IFI6: variants seen among roughly 807,000 people sequenced by gnomAD.
IFI6 encodes the protein interferon alpha inducible protein 6.
In IFI6, 10 loss-of-function variants were observed where a neutral mutation model predicts 12.7. The ratio of observed to expected loss-of-function variants is 0.79; its 90% CI spans 0.49 to 1.33. The LOEUF is 1.33. Among genes scored for constraint, IFI6 ranks in the 40% most tolerant of loss-of-function variants. The pLI is 0.00. For missense variants in IFI6, 154 were observed against 180.4 expected, an observed-to-expected ratio of 0.85 and a Z score of 0.84; for synonymous variants, 89 against 86.2, an observed-to-expected ratio of 1.03 and a Z score of -0.18.
rs949177814 is a variant in IFI6 at position 27,668,275 on chromosome 1, A to G, written c.249T>C (p.Asn83=). The G allele has an allele frequency of 8.2e-6, 13 of 1,581,382 alleles. No homozygotes were observed. Among genetic ancestry groups the G allele is most frequent in the Admixed American group, 3.5e-5 (2 of 57,486 alleles). Residue 83 remains asparagine, a synonymous_variant, in exon 4 of 5, where the codon AAT becomes AAC. Coordinates refer to ENST00000361157, the MANE Select transcript of IFI6 (RefSeq NM_002038.4). ...ASLMSWSAIL[N]GGGVPAGGLV... ...GCCCCCCGGCGGGCACGCCGCCCCC[A>G]TTCAGGATCGCAGACCAGCTCATCA...
intron 3 of IFI6, 41 bp from the exon 4 acceptor site, chr1:27,668,416 G>C (rs910226248): frequency 1.3e-6 from 2 of 1,587,366 alleles, no homozygotes; most frequent in South Asian, 1.1e-5. Context: ...CCGCGGCAGA[G>C]GCCCGCCCCG....
At position 27,668,495 on chromosome 1, in the gene IFI6, C is replaced by G. The variant is rs1011671488; in HGVS notation, c.111G>C (p.Gly37=). ...CCATGAAGGTCAGGGCCTTCCAGAACCCGGAGCCGCTGTCCGAGCTCTCCG... is the reference window on the plus strand; with the variant it reads ...CCATGAAGGTCAGGGCCTTCCAGAAGCCGGAGCCGCTGTCCGAGCTCTCCG... The part of the protein sequence containing the change: ...KCSESSDSGS[G]FWKALTFMAV... Residue 37 remains glycine (G), a synonymous_variant, in exon 3 of 5, where the codon GGG becomes GGC. Transcript: ENST00000361157. The G allele has an allele frequency of 1.2e-5, 20 of 1,611,230 alleles. No individual in the cohort carries two copies. Among genetic ancestry groups the G allele is most frequent in the Non-Finnish European group, 1.7e-5 (20 of 1,178,860 alleles).
chr1:27,669,601 T>A (rs1017405021), intron 1 of IFI6: 1 of 438,590 alleles, frequency 2.3e-6, no homozygotes, highest in Middle Eastern at 6.8e-4. Context: ...GCTCCGCAGA[T>A]GTCAATATCA....
chr1:27,670,430 G>A (rs1189888188), intron 1 of IFI6: 1 of 151,764 alleles, frequency 6.6e-6, no homozygotes, highest in Non-Finnish European at 1.5e-5. Context: ...GGGACTACAG[G>A]TATGCACCAC....
At chr1:27,667,469 G>A (rs2090360739) in intron 4 of IFI6, among the ~76,000 whole-genome samples, 1 of 152,108 alleles carries the variant, frequency 6.6e-6, no homozygotes, top group African/African-American at 2.4e-5. Context: ...GAGTCACTGT[G>A]AGCTCTGTTA....
chr1:27,671,992 A>T (rs2090407632), intron 1 of IFI6, 131 bp downstream of exon 1: 1 of 152,178 alleles, frequency 6.6e-6, no homozygotes. Context: ...AGAGCACTAA[A>T]AGGGACCCAG....
chr1:27,668,584 G>A (rs745643288), intron 2 of IFI6, 49 bp from the exon 3 acceptor site: 11 of 1,474,096 alleles, frequency 7.5e-6, no homozygotes, highest in South Asian at 7.3e-5. Context: ...GTGGGACACA[G>A]GGGTCCCCTA....
At position 27,669,202 on chromosome 1, in the gene IFI6, CCCTTACCTGTCCCCTTACCTGCAT is replaced by C; in HGVS notation, c.70+19_70+42del. 1 of 1,544,044 alleles carries C rather than the reference CCCTTACCTGTCCCCTTACCTGCAT, an allele frequency of 6.5e-7. No homozygotes were observed. ...ACCCTTACTTGCATCCTTACCTGCA[CCCTTACCTGTCCCCTTACCTGCAT>C]CCTTACCCGCATTCTCACCTGCCTC... On this transcript the variant is annotated intron_variant, in intron 2 of 4. Coordinates refer to ENST00000361157, the MANE Select transcript of IFI6 (RefSeq NM_002038.4).
In IFI6 at chr1:27,666,902, C is replaced by T. The variant is rs114740149; in HGVS notation, c.299-427G>A. Reference sequence around the variant, plus strand: ...CCCTCCCATTGCAGGGGTGTGGCCCCGTCTGAGCAGGGCTCTCTTCTTTTG... The same window carrying T: ...CCCTCCCATTGCAGGGGTGTGGCCCTGTCTGAGCAGGGCTCTCTTCTTTTG... On this transcript the variant is annotated intron_variant, in intron 4 of 4. Coordinates refer to ENST00000361157, the MANE Select transcript of IFI6 (RefSeq NM_002038.4). Among the ~76,000 whole-genome samples the T allele has an allele frequency of 4.7e-3, 711 of 152,208 alleles. 4 individuals are homozygous for T. Among genetic ancestry groups the T allele is most frequent in the Non-Finnish European group, 6.6e-3 (448 of 68,024 alleles).
chr1:27,669,336 C>T lies in IFI6; in HGVS notation c.-22G>A, dbSNP rs374246314. 2.1e-5 allele frequency: 32 copies of T among 1,550,844 alleles called. No homozygotes were observed. In the African/African-American group the frequency reaches 3.1e-4, roughly 15 times the overall value. On this transcript the variant is annotated 5_prime_UTR_variant, in exon 2 of 5. Transcript: ENST00000361157. ...GCATGGTGGCGCCGCGCGCGGGCTCCGTCACTAGACCTGCGAACGGGCGAG... is the reference window on the plus strand; with the variant it reads ...GCATGGTGGCGCCGCGCGCGGGCTCTGTCACTAGACCTGCGAACGGGCGAG...
At position 27,668,226 on chromosome 1, in the gene IFI6, C is replaced by A; in HGVS notation, c.298G>T (p.Gly100Trp). 2 of 1,537,690 alleles carry A rather than the reference C, an allele frequency of 1.3e-6. No homozygotes were observed. The highest frequency in any genetic ancestry group is 4.7e-5 in the East Asian group (2 of 42,762). ...CCAGGGGCCCAGGCCCCGCACTCAC[C>A]GAGGCTCTGCAGCGTGGCCACTAGC... ...GGLVATLQSL[G>W]AGGSSVVIGN... Residue 100 changes from glycine (G) to tryptophan (W), a missense_variant and splice_region_variant, in exon 4 of 5, where the codon GGG (glycine) becomes TGG (tryptophan). By Grantham distance (184) the Gly-to-Trp change is radical. Transcript: ENST00000361157.
At chr1:27,666,737 A>G (rs902353283) in intron 4 of IFI6, among the ~76,000 whole-genome samples, 1 of 152,164 alleles carries the variant, frequency 6.6e-6, no homozygotes, top group Non-Finnish European at 1.5e-5. Context: ...AATCATGCTA[A>G]CAGCCACCTT....
intron 2 of IFI6, among the ~76,000 whole-genome samples, chr1:27,668,947 GT>G (rs1206751053): frequency 6.6e-6 from 1 of 151,728 alleles, no homozygotes; most frequent in Non-Finnish European, 1.5e-5. Context: ...ACCCTTATCT[GT>G]TCCCTTACCT....
chr1:27,667,240 C>CA (rs761365595), intron 4 of IFI6, among the ~76,000 whole-genome samples: 3,021 of 12,274 alleles, frequency 0.25, 638 homozygotes, highest in East Asian at 0.49. Flanking sequence ...CCCGTCTCTA[C>CA]AAAAAAAAAA....
At chr1:27,667,799 G>A (rs141722882) in intron 4 of IFI6, among the ~76,000 whole-genome samples, 130 of 152,350 alleles carry the variant, frequency 8.5e-4, no homozygotes, top group African/African-American at 2.9e-3. Flanking sequence ...GGCCGGACGC[G>A]GTGACTCACG....
intron 2 of IFI6, 149 bp downstream of exon 2, chr1:27,669,085 TTACCTGCACCC>T (rs2090382768): frequency 1.3e-6 from 1 of 781,074 alleles, no homozygotes; most frequent in African/African-American, 1.7e-5. Flanking sequence ...ACCCGCATCC[TTACCTGCACCC>T]TTACCTGCAT....
intron 1 of IFI6, among the ~76,000 whole-genome samples, chr1:27,671,192 C>T (rs2090401181): frequency 6.6e-6 from 1 of 152,154 alleles, no homozygotes; most frequent in African/African-American, 2.4e-5. Context: ...GAGTACTTAG[C>T]ACTTTATGGC....
At chr1:27,668,577 G>T (rs778964482) in intron 2 of IFI6, 42 bp from the exon 3 acceptor site, 50 of 1,509,336 alleles carry the variant, frequency 3.3e-5, no homozygotes, top group Non-Finnish European at 4.3e-5. Flanking sequence ...TGTTGGGGTG[G>T]GACACAGGGG....
At chr1:27,668,855 A>C (rs902646708) in intron 2 of IFI6, among the ~76,000 whole-genome samples, 8 of 151,756 alleles carry the variant, frequency 5.3e-5, no homozygotes, top group African/African-American at 1.9e-4. Context: ...TACACCCCGG[A>C]CCCTGAAACT....
Sources: gnomAD v4.1 joint callset for allele counts (sites outside exome capture counted in the v4.1 genomes callset) on GRCh38, gnomAD v4.1.1 for gene constraint, MANE v1.5 for transcripts, NCBI Gene and HGNC (gene_info 2026-07-23, HGNC 2026-07-21) for gene names.